Variants in IL1R2 observed in about 807,000 individuals in gnomAD.
IL1R2 encodes the protein interleukin 1 receptor type 2.
IL1R2 carries 46 observed loss-of-function variants against 39.5 expected under a neutral mutation model. The observed-to-expected ratio is 1.16, with a 90% CI of 0.92 to 1.49. The LOEUF (loss-of-function observed/expected upper bound fraction) is 1.49. IL1R2 is among the 40% of genes most tolerant of loss of function. The pLI, the probability that IL1R2 is intolerant of heterozygous loss-of-function variation, is 0.00. For missense variants in IL1R2, 537 were observed against 502.0 expected (o/e 1.07, Z -0.67); for synonymous variants, 207 against 189.6 (o/e 1.09, Z -0.75).
At chr2:102,014,548 T>C (rs1379246362) in intron 3 of IL1R2, among the ~76,000 whole-genome samples, 2 of 152,254 alleles carry the variant, frequency 1.3e-5, no homozygotes, top group Non-Finnish European at 2.9e-5. Flanking sequence ...TATTTTCCCT[T>C]TTTAAGCTAA....
At chr2:101,992,806 A>C (rs984161472) in intron 1 of IL1R2, among the ~76,000 whole-genome samples, 1 of 152,114 alleles carries the variant, frequency 6.6e-6, no homozygotes, top group Non-Finnish European at 1.5e-5. Flanking sequence ...ACCTGAGTCC[A>C]TTTCTGGTGG....
intron 3 of IL1R2, among the ~76,000 whole-genome samples, chr2:102,013,552 A>AT (rs35196105): frequency 7.8e-5 from 7 of 90,114 alleles, no homozygotes; most frequent in Admixed American, 2.2e-4. Context: ...AAAAAAAAAA[A>AT]GGAAAGAAAG....
rs1577736233 is a variant in IL1R2 at position 102,024,644 on chromosome 2, G to T, written c.863G>T (p.Gly288Val). 1 of 1,614,084 alleles carries T rather than the reference G, an allele frequency of 6.2e-7. No homozygotes were observed. The highest frequency in any genetic ancestry group is 8.5e-7 in the Non-Finnish European group (1 of 1,179,946). ...CACATAGAGAGCGCCTACCCGGGAG[G>T]CCGCGTGACCGAGGGGCCACGCCAG... ...DTHIESAYPG[G>V]RVTEGPRQEY... Residue 288 changes from glycine (G) to valine (V), a missense_variant, in exon 7 of 9, where the codon GGC becomes GTC. Transcript: ENST00000332549.
intron 3 of IL1R2, 147 bp downstream of exon 3, chr2:102,009,973 A>AG: frequency 1.3e-6 from 1 of 796,660 alleles, no homozygotes. Flanking sequence ...TGTTCCTGAC[A>AG]CCCCCCCCAA....
chr2:102,005,663 G>GA (rs1676216180), intron 1 of IL1R2, among the ~76,000 whole-genome samples: 1 of 152,162 alleles, frequency 6.6e-6, no homozygotes. Flanking sequence ...CTCCCAGGGG[G>GA]ATCACATGAC....
chr2:102,011,345 T>G (rs1676620261), intron 3 of IL1R2, among the ~76,000 whole-genome samples: 1 of 152,256 alleles, frequency 6.6e-6, no homozygotes, highest in Admixed American at 6.5e-5. Flanking sequence ...CCATTTTTCA[T>G]TCCCAACAAC....
chr2:102,017,687 T>C (rs766106774), intron 4 of IL1R2, among the ~76,000 whole-genome samples: 1 of 152,218 alleles, frequency 6.6e-6, no homozygotes, highest in Non-Finnish European at 1.5e-5. Context: ...TTTTATGATG[T>C]GAAAATCACA....
intron 3 of IL1R2, among the ~76,000 whole-genome samples, chr2:102,013,549 AAAAGGAAAGAAAGAAAAGAAAAGAAGG>A (rs1676777616): frequency 1.0e-4 from 14 of 138,648 alleles, no homozygotes; most frequent in Non-Finnish European, 1.5e-4. Flanking sequence ...AAAAAAAAAA[AAAAGGAAAGAAAGAAAAGAAAAGAAGG>A]AAAAGAAAAA....
At position 102,008,550 on chromosome 2, in the gene IL1R2, G is replaced by T; in HGVS notation, c.-26G>T. On this transcript the variant is annotated 5_prime_UTR_variant, in exon 2 of 9. Transcript: ENST00000332549. ...GCTGGGTCTCAGTCCTCCACTTCCC[G>T]TGTCCTCTGGAAGTTGTCAGGAGCA... The T allele has an allele frequency of 6.2e-7, 1 of 1,607,146 alleles. No individual in the cohort carries two copies. Among genetic ancestry groups the T allele is most frequent in the Non-Finnish European group, 8.5e-7 (1 of 1,173,902 alleles).
intron 1 of IL1R2, among the ~76,000 whole-genome samples, chr2:101,993,374 C>T (rs1577670269): frequency 1.3e-5 from 2 of 152,106 alleles, no homozygotes; most frequent in Admixed American, 6.6e-5. Context: ...GGAGTACAGT[C>T]GATGAATCCA....
chr2:102,004,242 A>G (rs985022163), intron 1 of IL1R2, among the ~76,000 whole-genome samples: 5 of 152,146 alleles, frequency 3.3e-5, no homozygotes, highest in Non-Finnish European at 7.3e-5. Context: ...CTTTTAGGCT[A>G]TATGTACTGT....
At chr2:102,003,064 G>A (rs1251425328) in intron 1 of IL1R2, among the ~76,000 whole-genome samples, 1 of 112,992 alleles carries the variant, frequency 8.9e-6, no homozygotes, top group African/African-American at 2.8e-5. Flanking sequence ...CTGTGTCTGT[G>A]TCTGGCTGTG....
chr2:102,018,685 T>A (rs2236925), intron 4 of IL1R2, among the ~76,000 whole-genome samples: 25,611 of 152,060 alleles, frequency 0.17, 2,569 homozygotes, highest in East Asian at 0.28. Context: ...CTTTTTACAG[T>A]TAAGGACCCA....
At chr2:102,007,344 C>A (rs1458537859) in intron 1 of IL1R2, among the ~76,000 whole-genome samples, 1 of 152,148 alleles carries the variant, frequency 6.6e-6, no homozygotes, top group East Asian at 1.9e-4. Flanking sequence ...TAGCAGGACA[C>A]CAAATCTCTT....
At chr2:102,019,595 T>C (rs1236223905) in intron 4 of IL1R2, 43 bp from the exon 5 acceptor site, 1 of 1,313,526 alleles carries the variant, frequency 7.6e-7, no homozygotes, top group South Asian at 1.3e-5. Context: ...CTTTGAGATG[T>C]ATATTGGTAT....
intron 1 of IL1R2, among the ~76,000 whole-genome samples, chr2:102,000,775 T>C (rs1675818282): frequency 6.6e-6 from 1 of 152,238 alleles, no homozygotes; most frequent in African/African-American, 2.4e-5. Flanking sequence ...TCCTTAGCTC[T>C]GTGACCTTGG....
At chr2:102,012,693 A>G (rs2150440034) in intron 3 of IL1R2, among the ~76,000 whole-genome samples, 1 of 152,378 alleles carries the variant, frequency 6.6e-6, no homozygotes, top group Middle Eastern at 3.4e-3. Flanking sequence ...CCTAAGAAGC[A>G]GGCAAACCAT....
In IL1R2 at chr2:102,026,263, T is replaced by A. The variant is rs753535615; in HGVS notation, c.1030+10T>A. ...ACCACAGTCAAGGAAGGTATGTATG[T>A]ATTTTGGGGAGCACTATAGGAGAAT... On this transcript the variant is annotated intron_variant, in intron 8 of 8. Transcript: ENST00000332549. The A allele has an allele frequency of 5.0e-6, 8 of 1,600,234 alleles. No homozygotes were observed. The South Asian group carries it at 9.0e-5, about 18-fold the overall frequency.
rs3218947 is a variant in IL1R2 at position 102,020,353 on chromosome 2, T to G, written c.688+541T>G. 3.7e-3 allele frequency among the ~76,000 whole-genome samples: 568 copies of G among 152,332 alleles called. 5 individuals carry two copies. The highest frequency in any genetic ancestry group is 0.013 in the African/African-American group (532 of 41,582). On this transcript the variant is annotated intron_variant, in intron 5 of 8. Coordinates refer to ENST00000332549, the MANE Select transcript of IL1R2 (RefSeq NM_004633.4). Reference sequence around the variant, plus strand: ...TAAAAGGAGTTTCGTTTGAAAATGCTGTTTTGAGCAGTATTGGCTATTGTT... The same window carrying G: ...TAAAAGGAGTTTCGTTTGAAAATGCGGTTTTGAGCAGTATTGGCTATTGTT...
Sources: gnomAD v4.1 joint callset for allele counts (sites outside exome capture counted in the v4.1 genomes callset) on GRCh38, gnomAD v4.1.1 for gene constraint, MANE v1.5 for transcripts, NCBI Gene and HGNC (gene_info 2026-07-23, HGNC 2026-07-21) for gene names.